The following PRKAR1B variants were observed in gnomAD, a reference collection of about 807,000 sequenced individuals.
PRKAR1B encodes the protein cAMP-dependent protein kinase type I-beta regulatory subunit.
Under a neutral mutation model 46.5 loss-of-function variants are expected in PRKAR1B, and 22 were observed. That is an observed-to-expected ratio of 0.47 (90% confidence interval 0.34 to 0.68). PRKAR1B has a LOEUF of 0.68. Ranked by LOEUF, PRKAR1B falls within the 30% of genes least tolerant of loss-of-function variation. The pLI is 0.01. For synonymous variants in PRKAR1B, 259 were observed against 217.7 expected (o/e 1.19, Z -1.67); for missense variants, 445 against 535.6 (o/e 0.83, Z 1.67).
At position 681,534 on chromosome 7, in the gene PRKAR1B, G is replaced by A. The variant is rs1778686254; in HGVS notation, c.178-808C>T. 2.6e-5 allele frequency among the ~76,000 whole-genome samples: 4 copies of A among 152,154 alleles called. No individual in the cohort carries two copies. The South Asian group carries it at 8.3e-4, about 32-fold the overall frequency. ...ATTTGCTTTTTAAAGTGAGTGAGAG[G>A]CTGAACTGGTGTGGGGTTTATGGAG... On this transcript the variant is annotated intron_variant, in intron 2 of 10. Transcript: ENST00000537384.
intron 1 of PRKAR1B, chr7:716,796 G>A (rs1294490986): frequency 1.3e-5 from 2 of 152,330 alleles, no homozygotes; most frequent in East Asian, 3.9e-4. Flanking sequence ...CGGTTCCTGA[G>A]CCTTCCCCAG....
At chr7:707,916 C>T (rs969039500) in intron 2 of PRKAR1B, among the ~76,000 whole-genome samples, 7 of 147,146 alleles carry the variant, frequency 4.8e-5, no homozygotes, top group South Asian at 2.2e-4. Flanking sequence ...CACCTGGAGC[C>T]GGGGGAGACA....
intron 2 of PRKAR1B, among the ~76,000 whole-genome samples, chr7:702,972 A>G (rs1195209825): frequency 6.6e-6 from 1 of 152,124 alleles, no homozygotes; most frequent in Non-Finnish European, 1.5e-5. Context: ...ACACCAATTA[A>G]AAGACAGAAA....
intron 4 of PRKAR1B, among the ~76,000 whole-genome samples, chr7:673,194 C>G (rs890719026): frequency 6.6e-6 from 1 of 151,828 alleles, no homozygotes; most frequent in Non-Finnish European, 1.5e-5. Flanking sequence ...TCTAGCAAGG[C>G]GCAGCTGGGA....
rs529715274 is a variant in PRKAR1B, at chr7:643,508, A to G, written c.440+33721T>C. Among the ~76,000 whole-genome samples, 18 of 151,526 alleles carry G rather than the reference A, an allele frequency of 1.2e-4. 1 individual carries two copies. In the South Asian group the frequency reaches 3.7e-3, roughly 32 times the overall value. On this transcript the variant is annotated intron_variant, in intron 4 of 10. Coordinates refer to ENST00000537384, the MANE Select transcript of PRKAR1B (RefSeq NM_001164760.2). ...GAGGCCGAGGCAGGCAGATCACCAG[A>G]GGTTGGGAGTTCGAGACCAGTCTGA...
intron 8 of PRKAR1B, among the ~76,000 whole-genome samples, chr7:581,531 G>C (rs1370501972): frequency 6.6e-6 from 1 of 152,168 alleles, no homozygotes; most frequent in East Asian, 1.9e-4. Flanking sequence ...GTAATACGAG[G>C]CATCTCATTT....
chr7:555,211 G>A (rs1019371646), intron 9 of PRKAR1B, among the ~76,000 whole-genome samples: 2 of 152,210 alleles, frequency 1.3e-5, no homozygotes, highest in African/African-American at 4.8e-5. Context: ...GACGTGCCCC[G>A]CTCTGGGGAG....
chr7:623,455 C>A (rs1783217678), intron 4 of PRKAR1B, among the ~76,000 whole-genome samples: 1 of 152,256 alleles, frequency 6.6e-6, no homozygotes, highest in African/African-American at 2.4e-5. Flanking sequence ...CAGAACCGAT[C>A]ACCCACCATA....
intron 2 of PRKAR1B, among the ~76,000 whole-genome samples, chr7:697,598 C>T (rs1779811347): frequency 6.6e-6 from 1 of 152,014 alleles, no homozygotes; most frequent in East Asian, 2.0e-4. Flanking sequence ...CCCTAAATCT[C>T]AAGCGCCAGT....
intron 4 of PRKAR1B, among the ~76,000 whole-genome samples, chr7:658,833 T>C (rs375102207): frequency 5.3e-5 from 8 of 152,196 alleles, no homozygotes; most frequent in African/African-American, 1.9e-4. Context: ...GTATTTTTAG[T>C]AGAGACAGGG....
intron 8 of PRKAR1B, among the ~76,000 whole-genome samples, chr7:580,760 A>T (rs9692454): frequency 6.7e-6 from 1 of 149,054 alleles, no homozygotes; most frequent in African/African-American, 2.5e-5. Context: ...AAAAAAAAAA[A>T]AAACAAACGT....
At chr7:619,210 C>T (rs1782985826) in intron 4 of PRKAR1B, among the ~76,000 whole-genome samples, 1 of 152,166 alleles carries the variant, frequency 6.6e-6, no homozygotes, top group East Asian at 1.9e-4. Context: ...CAACACGGCA[C>T]CTACAAGCCA....
At chr7:710,128 C>CT (rs932512798) in intron 2 of PRKAR1B, among the ~76,000 whole-genome samples, 1 of 152,172 alleles carries the variant, frequency 6.6e-6, no homozygotes, top group Admixed American at 6.5e-5. Flanking sequence ...TGGGTTAGGA[C>CT]TATGTGATCA....
intron 7 of PRKAR1B, among the ~76,000 whole-genome samples, chr7:595,611 G>A (rs1348074576): frequency 2.0e-5 from 3 of 152,108 alleles, no homozygotes; most frequent in Non-Finnish European, 4.4e-5. Flanking sequence ...CAGCTGAATC[G>A]GCCCATAGCA....
Position 698,119 on chromosome 7 carries a change from G to C in PRKAR1B, c.177+13210C>G, listed in dbSNP as rs185035474. On this transcript the variant is annotated intron_variant, in intron 2 of 10. Transcript: ENST00000537384. ...AGGGAAGGGAATTAGAAATTAACAG[G>C]CTGGGCAGGGCACCATGGCTCATGC... Among the ~76,000 whole-genome samples the C allele has an allele frequency of 4.0e-5, 6 of 150,980 alleles. No homozygotes were observed. The East Asian group carries it at 1.2e-3, about 30-fold the overall frequency.
Position 726,863 on chromosome 7 carries a change from G to T in PRKAR1B, c.-23+347C>A, listed in dbSNP as rs1398833210. On this transcript the variant is annotated intron_variant, in intron 1 of 10. Coordinates refer to ENST00000537384, the MANE Select transcript of PRKAR1B (RefSeq NM_001164760.2). ...GCCGACAGCAAGCCGGGCCGGCGGC[G>T]CGCCTTGGAGGCCCTGCGGCGCGCG... The T allele has an allele frequency of 1.4e-5, 19 of 1,316,436 alleles. No homozygotes were observed. The highest frequency in any genetic ancestry group is 2.0e-5 in the South Asian group (1 of 49,214). 81.5% of individuals were successfully genotyped at this position (1,316,436 alleles called of 1,614,324 possible).
intron 4 of PRKAR1B, among the ~76,000 whole-genome samples, chr7:671,293 G>C (rs1346215836): frequency 2.0e-5 from 3 of 152,218 alleles, no homozygotes; most frequent in Non-Finnish European, 2.9e-5. Flanking sequence ...TGCCTCTGGA[G>C]GGAACAGCTC....
intron 4 of PRKAR1B, among the ~76,000 whole-genome samples, chr7:655,336 T>G (rs1785137990): frequency 6.6e-6 from 1 of 152,200 alleles, no homozygotes; most frequent in South Asian, 2.1e-4. Flanking sequence ...CTGGCCTCCT[T>G]GTTAATTCTT....
intron 6 of PRKAR1B, among the ~76,000 whole-genome samples, chr7:599,620 C>A (rs1433790634): frequency 6.6e-6 from 1 of 152,238 alleles, no homozygotes; most frequent in Non-Finnish European, 1.5e-5. Context: ...CAATGGGGGT[C>A]CCCCGCGGGG....
Sources: allele counts gnomAD v4.1 joint callset (sites outside exome capture counted in the v4.1 genomes callset), GRCh38; gene constraint gnomAD v4.1.1; transcripts MANE v1.5; gene names NCBI Gene and HGNC (gene_info 2026-07-23, HGNC 2026-07-21).